Variants in RNF217 observed in about 807,000 individuals in gnomAD.
RNF217 encodes ring finger protein 217.
Under a neutral mutation model 57.8 loss-of-function variants are expected in RNF217, and 31 were observed. The ratio of observed to expected loss-of-function variants is 0.54; its 90% CI spans 0.40 to 0.72. RNF217 has a LOEUF of 0.72. Ranked by LOEUF, RNF217 falls within the 30% of genes least tolerant of loss-of-function variation. The probability of loss-of-function intolerance (pLI) is 0.00; values close to 1 mark genes in which losing one functional copy is unlikely to be tolerated. For missense variants in RNF217, 696 were observed against 708.3 expected (o/e 0.98, Z 0.20); for synonymous variants, 313 against 294.0 (o/e 1.06, Z -0.66).
chr6:125,086,533 G>A lies in RNF217; in HGVS notation c.*3596G>A, dbSNP rs1788776942. ...CATTGTGAAAAGTAGGAAAGAATAT[G>A]TTGGCAATTATAAATGCCCACAGCA... On this transcript the variant is annotated 3_prime_UTR_variant, in exon 6 of 6. Transcript: ENST00000521654. The A allele has an allele frequency of 6.6e-6, 1 of 152,040 alleles. No homozygotes were observed. The highest frequency in any genetic ancestry group is 1.5e-5 in the Non-Finnish European group (1 of 67,978). The allele number at this position is 152,040 out of a possible 1,614,324, so 9.4% of individuals were successfully genotyped here. A position where few individuals can be genotyped will look rare whatever the true frequency, so the allele number is the denominator to read the frequency against.
At chr6:124,976,755 T>G (rs1421591161) in intron 1 of RNF217, among the ~76,000 whole-genome samples, 1 of 152,170 alleles carries the variant, frequency 6.6e-6, no homozygotes, top group African/African-American at 2.4e-5. Context: ...TCCACCTGCC[T>G]GGGCCTCCCA....
At chr6:124,975,717 G>A (rs1345030077) in intron 1 of RNF217, among the ~76,000 whole-genome samples, 1 of 151,910 alleles carries the variant, frequency 6.6e-6, no homozygotes, top group Non-Finnish European at 1.5e-5. Context: ...GGTTACAAGT[G>A]TGAGCCACTG....
chr6:124,987,868 C>A (rs1784415185), intron 1 of RNF217, among the ~76,000 whole-genome samples: 1 of 152,168 alleles, frequency 6.6e-6, no homozygotes. Flanking sequence ...GCAATATTAA[C>A]TTGTACATTC....
In RNF217 at chr6:124,962,772, G is replaced by A. The variant is rs753872228; in HGVS notation, c.228G>A (p.Pro76=). 1.2e-5 allele frequency: 19 copies of A among 1,595,172 alleles called. No individual in the cohort carries two copies. The highest frequency in any genetic ancestry group is 1.2e-4 in the Admixed American group (7 of 59,810). Residue 76 remains proline, a synonymous_variant, in exon 1 of 6, where the codon CCG becomes CCA. Transcript: ENST00000521654. This position sits in a 1 kb window ranked among gnomAD's most constrained non-coding sequence, Gnocchi z 4.6. ...APEPARSLGP[P]GWSKSRAPAQ... is the part of the protein sequence containing the mutation. Reference sequence around the variant, plus strand: ...AGCCCGCGAGGAGCCTGGGGCCCCCGGGCTGGAGTAAGAGCCGAGCACCGG... The same window carrying A: ...AGCCCGCGAGGAGCCTGGGGCCCCCAGGCTGGAGTAAGAGCCGAGCACCGG...
intron 1 of RNF217, among the ~76,000 whole-genome samples, chr6:124,975,363 G>A (rs1193607376): frequency 6.6e-6 from 1 of 152,162 alleles, no homozygotes; most frequent in Non-Finnish European, 1.5e-5. Flanking sequence ...GAGCTATTGG[G>A]TGAAATCACA....
chr6:125,033,672 T>C (rs1263660121), intron 1 of RNF217, among the ~76,000 whole-genome samples: 1 of 152,106 alleles, frequency 6.6e-6, no homozygotes, highest in Non-Finnish European at 1.5e-5. Flanking sequence ...CATGTGTCTT[T>C]ATAGCAGCAT....
intron 1 of RNF217, among the ~76,000 whole-genome samples, chr6:125,009,690 C>T (rs1023742423): frequency 1.3e-5 from 2 of 151,876 alleles, no homozygotes; most frequent in Non-Finnish European, 1.5e-5. Context: ...CCTCTAAAAA[C>T]GTAGACAGAT....
chr6:125,075,840 G>A (rs985078194), intron 3 of RNF217, among the ~76,000 whole-genome samples: 7 of 151,872 alleles, frequency 4.6e-5, no homozygotes, highest in East Asian at 1.9e-4. Flanking sequence ...CAATTTTATC[G>A]CAAAGAGTAA....
At position 125,089,325 on chromosome 6, in the gene RNF217, A is replaced by T. The variant is rs545255527; in HGVS notation, c.*6388A>T. 6.6e-6 allele frequency: 1 copy of T among 152,270 alleles called. No homozygotes were observed. Among genetic ancestry groups the T allele is most frequent in the South Asian group, 2.1e-4 (1 of 4,820 alleles). The allele number at this position is 152,270 out of a possible 1,614,324, so 9.4% of individuals were successfully genotyped here. On this transcript the variant is annotated 3_prime_UTR_variant, in exon 6 of 6. Coordinates refer to ENST00000521654, the MANE Select transcript of RNF217 (RefSeq NM_001286398.3). Reference sequence around the variant, plus strand: ...GAAAGCATGTGTGGACATTCATCCAACCTGACCCCAGGTCATTCATTCTCC... The same window carrying T: ...GAAAGCATGTGTGGACATTCATCCATCCTGACCCCAGGTCATTCATTCTCC...
rs1582639080 is a variant in RNF217 at position 124,962,852 on chromosome 6, T to C, written c.308T>C (p.Leu103Pro). The change falls in exon 1 of 6, where the codon CTG becomes CCG. Residue 103 changes from leucine to proline, a missense_variant. Physicochemically the swap from Leu to Pro is moderately conservative, Grantham distance 98. Coordinates refer to ENST00000521654, the MANE Select transcript of RNF217 (RefSeq NM_001286398.3). This position sits in a 1 kb window ranked among gnomAD's most constrained non-coding sequence, Gnocchi z 4.6. ...TGPLNPQTLPLQLELEEEEEE... is the reference protein window; with the variant it reads ...TGPLNPQTLPPQLELEEEEEE... ...CCTCTCAATCCCCAGACCTTGCCAC[T>C]GCAGTTGGAGCTGGAGGAGGAAGAG... is the stretch of plus-strand genomic sequence containing the variant. 1.3e-6 allele frequency: 2 copies of C among 1,597,928 alleles called. No homozygotes were observed. The highest frequency in any genetic ancestry group is 1.7e-4 in the Middle Eastern group (1 of 6,028).
intron 1 of RNF217, among the ~76,000 whole-genome samples, chr6:125,033,535 T>C (rs1287952060): frequency 3.3e-5 from 5 of 149,470 alleles, no homozygotes; most frequent in African/African-American, 9.8e-5. Context: ...CATCATTTTT[T>C]ATGGCTGCAT....
intron 1 of RNF217, among the ~76,000 whole-genome samples, chr6:125,037,643 G>A (rs1050108961): frequency 3.9e-5 from 6 of 152,086 alleles, no homozygotes; most frequent in Admixed American, 2.0e-4. Context: ...AAAGTGAGGC[G>A]GACATCAGTG....
At chr6:124,994,839 C>T (rs868535005) in intron 1 of RNF217, among the ~76,000 whole-genome samples, 3 of 152,044 alleles carry the variant, frequency 2.0e-5, no homozygotes, top group East Asian at 3.9e-4. Context: ...TTTATAGCTC[C>T]GTGGCTGACT....
intron 2 of RNF217, among the ~76,000 whole-genome samples, chr6:125,050,290 C>T (rs1046815719): frequency 1.3e-5 from 2 of 151,842 alleles, no homozygotes; most frequent in Non-Finnish European, 2.9e-5. Flanking sequence ...TGGTTTTCTT[C>T]AGACAAGACT....
Position 125,082,994 on chromosome 6 carries a change from A to G in RNF217, c.*57A>G. The G allele has an allele frequency of 8.4e-7, 1 of 1,195,798 alleles. No individual in the cohort carries two copies. Among genetic ancestry groups the G allele is most frequent in the African/African-American group, 1.6e-5 (1 of 63,984 alleles). The allele number at this position is 1,195,798 out of a possible 1,614,324, so 74.1% of individuals were successfully genotyped here. On this transcript the variant is annotated 3_prime_UTR_variant, in exon 6 of 6. Transcript: ENST00000521654. The stretch of plus-strand genomic sequence containing the variant: ...TGGAGTAGGAGCGATACCAAAGGGT[A>G]CACCCATCTGTGAGTCACATCTTGA...
intron 3 of RNF217, among the ~76,000 whole-genome samples, chr6:125,071,719 G>A (rs1562495578): frequency 1.3e-5 from 2 of 151,956 alleles, no homozygotes; most frequent in Admixed American, 1.3e-4. Context: ...AGTAATGCTT[G>A]GTGCCTAAAT....
intron 1 of RNF217, among the ~76,000 whole-genome samples, chr6:125,033,571 C>T (rs13200116): frequency 0.3 from 43,661 of 146,634 alleles, 6,119 homozygotes; most frequent in East Asian, 0.4. Flanking sequence ...ATATGTGCCA[C>T]ATTTTCTTAA....
intron 1 of RNF217, among the ~76,000 whole-genome samples, chr6:125,007,985 G>C (rs567694156): frequency 5.3e-4 from 80 of 152,088 alleles, no homozygotes; most frequent in Non-Finnish European, 9.9e-4. Flanking sequence ...GGCCGGGCCT[G>C]GTGGCTCATG....
chr6:124,981,750 G>C (rs1401734892), intron 1 of RNF217, among the ~76,000 whole-genome samples: 1 of 151,846 alleles, frequency 6.6e-6, no homozygotes, highest in Non-Finnish European at 1.5e-5. Context: ...CGAGGGCGGT[G>C]ACTCATGCCT....
Sources: gnomAD v4.1 joint callset for allele counts (sites outside exome capture counted in the v4.1 genomes callset) on GRCh38, gnomAD v4.1.1 for gene constraint, Gnocchi (gnomAD v3.1) non-coding constraint, MANE v1.5 for transcripts, NCBI Gene and HGNC (gene_info 2026-07-23, HGNC 2026-07-21) for gene names.